The following DLG2 variants were observed in gnomAD, a reference collection of about 807,000 sequenced individuals.
The protein encoded by DLG2 is disks large homolog 2.
DLG2 carries 45 observed loss-of-function variants against 132.5 expected under a neutral mutation model. The observed-to-expected ratio is 0.34, with a 90% CI of 0.27 to 0.44. DLG2 has a LOEUF of 0.44. DLG2 is among the 20% of genes least tolerant of loss of function. The pLI is 1.00. For missense variants in DLG2, 1,045 were observed against 1,196.9 expected, an observed-to-expected ratio of 0.87 and a Z score of 1.87; for synonymous variants, 424 against 419.6, an observed-to-expected ratio of 1.01 and a Z score of -0.13.
rs529833807 is a variant in DLG2 at position 85,273,088 on chromosome 11, A to T, written c.186+12132T>A. Among the ~76,000 whole-genome samples, 597 of 152,190 alleles carry T rather than the reference A, an allele frequency of 3.9e-3. 3 individuals carry two copies. The highest frequency in any genetic ancestry group is 0.014 in the African/African-American group (562 of 41,538). ...GAAACTGGATCCCTTCCTTACACTT[A>T]ATACAAAAATTAATTCAAGATGGAT... is the stretch of plus-strand genomic sequence containing the variant. On this transcript the variant is annotated intron_variant, in intron 4 of 27. Coordinates refer to ENST00000376104, the MANE Select transcript of DLG2 (RefSeq NM_001142699.3).
chr11:85,458,710 G>C (rs2092502726), intron 3 of DLG2, among the ~76,000 whole-genome samples: 1 of 152,172 alleles, frequency 6.6e-6, no homozygotes, highest in Non-Finnish European at 1.5e-5. Context: ...ATTGAATTTT[G>C]GGCTGTGATC....
intron 6 of DLG2, among the ~76,000 whole-genome samples, chr11:84,630,320 C>T (rs1033382327): frequency 6.6e-6 from 1 of 152,048 alleles, no homozygotes; most frequent in Non-Finnish European, 1.5e-5. Flanking sequence ...ATTTCTCCAC[C>T]CCTGTTTTCA....
At chr11:84,853,488 C>T (rs1321726444) in intron 6 of DLG2, among the ~76,000 whole-genome samples, 1 of 151,996 alleles carries the variant, frequency 6.6e-6, no homozygotes, top group Non-Finnish European at 1.5e-5. Flanking sequence ...TCTCTCAAAT[C>T]ATATATCTTA....
intron 12 of DLG2, among the ~76,000 whole-genome samples, chr11:83,966,773 TC>T (rs1295274458): frequency 6.6e-6 from 1 of 152,042 alleles, no homozygotes; most frequent in Non-Finnish European, 1.5e-5. Flanking sequence ...TCTACTTATT[TC>T]GCAAAATTCC....
At chr11:85,314,566 A>C (rs2080525923) in intron 3 of DLG2, among the ~76,000 whole-genome samples, 1 of 152,088 alleles carries the variant, frequency 6.6e-6, no homozygotes, top group Non-Finnish European at 1.5e-5. Flanking sequence ...CCAGTGTCCT[A>C]TAAGTAGAGC....
chr11:84,419,564 T>A (rs2098941436), intron 7 of DLG2, among the ~76,000 whole-genome samples: 2 of 152,192 alleles, frequency 1.3e-5, no homozygotes, highest in African/African-American at 4.8e-5. Flanking sequence ...TTTATGATCA[T>A]TTCTCTTTCA....
At chr11:83,679,057 C>T (rs151104625) in intron 18 of DLG2, among the ~76,000 whole-genome samples, 889 of 152,244 alleles carry the variant, frequency 5.8e-3, no homozygotes, top group Admixed American at 0.012. Flanking sequence ...AAGAGCTGGG[C>T]AAACTCTATT....
At chr11:85,533,927 C>T (rs1170645527) in intron 3 of DLG2, among the ~76,000 whole-genome samples, 7 of 152,176 alleles carry the variant, frequency 4.6e-5, no homozygotes, top group Non-Finnish European at 1.0e-4. Flanking sequence ...AAGGAAAACT[C>T]TAGGTTTATT....
chr11:83,655,493 C>T (rs551832687), intron 18 of DLG2, among the ~76,000 whole-genome samples: 33 of 152,274 alleles, frequency 2.2e-4, no homozygotes, highest in African/African-American at 7.7e-4. Context: ...CTGGGACATG[C>T]TTGGGAGCAG....
intron 18 of DLG2, among the ~76,000 whole-genome samples, chr11:83,767,903 A>G (rs2094210534): frequency 6.6e-6 from 1 of 152,188 alleles, no homozygotes; most frequent in Admixed American, 6.5e-5. Flanking sequence ...GAGAGGCTAA[A>G]TAACTATCAC....
At chr11:85,018,068 T>C (rs1213810197) in intron 6 of DLG2, among the ~76,000 whole-genome samples, 1 of 152,200 alleles carries the variant, frequency 6.6e-6, no homozygotes, top group Non-Finnish European at 1.5e-5. Flanking sequence ...TTTTAACTTC[T>C]TATAATGATG....
intron 10 of DLG2, among the ~76,000 whole-genome samples, chr11:84,089,914 C>T (rs1332425427): frequency 3.9e-5 from 6 of 152,160 alleles, no homozygotes; most frequent in East Asian, 1.9e-4. Flanking sequence ...TGCTGCATTG[C>T]CAAGTGGAGG....
At chr11:83,736,126 A>G (rs569805497) in intron 18 of DLG2, among the ~76,000 whole-genome samples, 4 of 152,180 alleles carry the variant, frequency 2.6e-5, no homozygotes, top group Non-Finnish European at 5.9e-5. Context: ...AACTCTGCCT[A>G]TGCCACTCTG....
intron 4 of DLG2, among the ~76,000 whole-genome samples, chr11:85,216,798 G>T (rs1266490801): frequency 2.6e-5 from 4 of 151,954 alleles, no homozygotes; most frequent in Non-Finnish European, 4.4e-5. Flanking sequence ...CCGGGTTCAA[G>T]CAATTCTCTG....
At chr11:85,003,356 C>G (rs1269085567) in intron 6 of DLG2, among the ~76,000 whole-genome samples, 1 of 152,036 alleles carries the variant, frequency 6.6e-6, no homozygotes, top group Non-Finnish European at 1.5e-5. Flanking sequence ...GTTAATACCA[C>G]ATGGAAATTG....
intron 6 of DLG2, among the ~76,000 whole-genome samples, chr11:84,904,862 C>A (rs4944502): frequency 0.46 from 70,504 of 151,904 alleles, 16,983 homozygotes; most frequent in South Asian, 0.62. Flanking sequence ...TAATGAGCAC[C>A]CTGATGTTTA....
intron 3 of DLG2, among the ~76,000 whole-genome samples, chr11:85,483,474 A>G (rs896803156): frequency 2.6e-5 from 4 of 152,236 alleles, no homozygotes; most frequent in Non-Finnish European, 4.4e-5. Context: ...AAGAGATGCT[A>G]GAGGGAGTAT....
chr11:84,959,609 A>T (rs2052233426), intron 6 of DLG2, among the ~76,000 whole-genome samples: 1 of 152,222 alleles, frequency 6.6e-6, no homozygotes, highest in South Asian at 2.1e-4. Flanking sequence ...TTTCTTAAAA[A>T]AATAAAATAA....
intron 3 of DLG2, among the ~76,000 whole-genome samples, chr11:85,533,002 G>T (rs1210487798): frequency 1.4e-5 from 2 of 143,596 alleles, no homozygotes; most frequent in East Asian, 2.2e-4. Context: ...GATGCCTAAG[G>T]TGTTTTTGTT....
Sources: allele counts gnomAD v4.1 joint callset (sites outside exome capture counted in the v4.1 genomes callset), GRCh38; gene constraint gnomAD v4.1.1; transcripts MANE v1.5; gene names NCBI Gene and HGNC (gene_info 2026-07-23, HGNC 2026-07-21).